FNDC3B: variants seen among roughly 807,000 people sequenced by gnomAD.
FNDC3B encodes fibronectin type III domain-containing protein 3B.
FNDC3B carries 12 observed loss-of-function variants against 151.5 expected under a neutral mutation model. That is an observed-to-expected ratio of 0.08 (90% CI 0.05 to 0.13). FNDC3B has a LOEUF of 0.13. Among genes scored for constraint, FNDC3B ranks in the 10% least tolerant of loss-of-function variants. The pLI, the probability that FNDC3B is intolerant of heterozygous loss-of-function variation, is 1.00. For synonymous variants in FNDC3B, 528 were observed against 549.0 expected (o/e 0.96, Z 0.54); for missense variants, 1,214 against 1,505.3 (o/e 0.81, Z 3.20).
chr3:172,356,500 A>G (rs1734102553), intron 22 of FNDC3B, among the ~76,000 whole-genome samples: 1 of 152,146 alleles, frequency 6.6e-6, no homozygotes, highest in Non-Finnish European at 1.5e-5. Context: ...ATAGGTAGAG[A>G]TCTTATCTGT....
intron 1 of FNDC3B, among the ~76,000 whole-genome samples, chr3:172,041,385 T>TTC (rs746451264): frequency 0.015 from 2,060 of 139,374 alleles, 20 homozygotes; most frequent in East Asian, 0.047. Flanking sequence ...CTTTCTTTCT[T>TTC]TTTCTTTCTT....
chr3:172,046,229 G>GTT (rs759737950), intron 1 of FNDC3B, among the ~76,000 whole-genome samples: 4 of 152,184 alleles, frequency 2.6e-5, no homozygotes, highest in Non-Finnish European at 5.9e-5. Flanking sequence ...TTTCTCCCCA[G>GTT]TTAAGATATG....
intron 2 of FNDC3B, among the ~76,000 whole-genome samples, chr3:172,120,835 A>G (rs1720506489): frequency 6.6e-6 from 1 of 152,032 alleles, no homozygotes. Context: ...GTGATGCTGC[A>G]TGCCTGTAGT....
At chr3:172,324,640 C>A (rs1408822266) in intron 11 of FNDC3B, among the ~76,000 whole-genome samples, 5 of 152,276 alleles carry the variant, frequency 3.3e-5, no homozygotes, top group African/African-American at 1.2e-4. Flanking sequence ...CCCAAGGTTG[C>A]AAAATGGAAA....
intron 5 of FNDC3B, among the ~76,000 whole-genome samples, chr3:172,250,425 A>G (rs930950929): frequency 6.6e-6 from 1 of 152,194 alleles, no homozygotes. Context: ...TCATTATCTT[A>G]GTTAAATTTG....
At chr3:172,047,024 T>C (rs945067225) in intron 1 of FNDC3B, 3 of 152,176 alleles carry the variant, frequency 2.0e-5, no homozygotes, top group Non-Finnish European at 2.9e-5. Context: ...TGTTAGACTT[T>C]AAGGCTTCTA....
intron 3 of FNDC3B, among the ~76,000 whole-genome samples, chr3:172,169,295 G>A (rs995819447): frequency 6.6e-6 from 1 of 152,202 alleles, no homozygotes; most frequent in Non-Finnish European, 1.5e-5. Flanking sequence ...GGTTGCCTGA[G>A]CGGCGCTCCG....
intron 7 of FNDC3B, among the ~76,000 whole-genome samples, chr3:172,287,295 T>G (rs1291449201): frequency 6.6e-6 from 1 of 152,230 alleles, no homozygotes; most frequent in Non-Finnish European, 1.5e-5. Context: ...GTGCCATTCT[T>G]GGACATGCTG....
At chr3:172,340,436 C>A (rs181081612) in intron 16 of FNDC3B, among the ~76,000 whole-genome samples, 486 of 152,220 alleles carry the variant, frequency 3.2e-3, no homozygotes, top group African/African-American at 0.011. Flanking sequence ...CAGGTGCCCA[C>A]CACCATGCCC....
At chr3:172,065,228 A>G (rs1286659694) in intron 1 of FNDC3B, among the ~76,000 whole-genome samples, 1 of 152,206 alleles carries the variant, frequency 6.6e-6, no homozygotes, top group African/African-American at 2.4e-5. Flanking sequence ...GCTACTCAGG[A>G]GTCTGAGGCA....
intron 22 of FNDC3B, 119 bp from the exon 23 acceptor site, chr3:172,362,514 T>C: frequency 1.3e-6 from 1 of 782,068 alleles, no homozygotes; most frequent in South Asian, 1.8e-5. Flanking sequence ...TTGTTTTTCT[T>C]CATTCTATGT....
At chr3:172,102,734 A>G (rs1464351192) in intron 1 of FNDC3B, among the ~76,000 whole-genome samples, 1 of 152,116 alleles carries the variant, frequency 6.6e-6, no homozygotes, top group African/African-American at 2.4e-5. Context: ...GGCGCTGGGG[A>G]GGAGGAGCAT....
intron 4 of FNDC3B, among the ~76,000 whole-genome samples, chr3:172,244,877 C>T (rs571719793): frequency 1.1e-3 from 173 of 152,204 alleles, no homozygotes; most frequent in Admixed American, 4.0e-3. Flanking sequence ...CCACCTGCCT[C>T]GGCCTCCCAA....
intron 3 of FNDC3B, among the ~76,000 whole-genome samples, chr3:172,202,076 TC>T (rs769934639): frequency 2.4e-4 from 37 of 152,182 alleles, no homozygotes; most frequent in Non-Finnish European, 4.1e-4. Flanking sequence ...AATTTTGAGC[TC>T]CTTAAAAGGC....
intron 15 of FNDC3B, among the ~76,000 whole-genome samples, chr3:172,336,623 G>T (rs1295362068): frequency 6.6e-6 from 1 of 152,106 alleles, no homozygotes; most frequent in Non-Finnish European, 1.5e-5. Flanking sequence ...CTTGTTGGCC[G>T]GGCACGGTGG....
chr3:172,342,170 C>G (rs1483565827), intron 17 of FNDC3B, among the ~76,000 whole-genome samples: 1 of 152,172 alleles, frequency 6.6e-6, no homozygotes, highest in Non-Finnish European at 1.5e-5. Context: ...CTTTTGCCCC[C>G]AAGGATGGTA....
At chr3:172,330,398 A>G in intron 12 of FNDC3B, 143 bp from the exon 13 acceptor site, 1 of 624,062 alleles carries the variant, frequency 1.6e-6, no homozygotes, top group South Asian at 2.3e-5. Context: ...TATAGGGAAT[A>G]TCACACACAG....
chr3:172,162,660 T>G (rs111958543), intron 3 of FNDC3B, among the ~76,000 whole-genome samples: 878 of 12,862 alleles, frequency 0.068, 5 homozygotes, highest in Non-Finnish European at 0.11. Context: ...TATTACCTGG[T>G]TTTTTTTTTT....
At chr3:172,083,255 T>C (rs562516501) in intron 1 of FNDC3B, among the ~76,000 whole-genome samples, 4 of 152,358 alleles carry the variant, frequency 2.6e-5, no homozygotes, top group East Asian at 1.9e-4. Flanking sequence ...TAAACTCTTA[T>C]GCTTAGGGCT....
Sources: allele counts gnomAD v4.1 joint callset (sites outside exome capture counted in the v4.1 genomes callset), GRCh38; gene constraint gnomAD v4.1.1; transcripts MANE v1.5; gene names NCBI Gene and HGNC (gene_info 2026-07-23, HGNC 2026-07-21).